Variants in BMX observed in about 807,000 individuals in gnomAD.
BMX encodes the protein cytoplasmic tyrosine-protein kinase BMX.
A neutral mutation model predicts 59.2 loss-of-function variants in BMX; 31 were observed. The ratio of observed to expected loss-of-function variants is 0.52; its 90% confidence interval spans 0.39 to 0.71. The LOEUF (loss-of-function observed/expected upper bound fraction) is 0.71, where lower values mean the gene tolerates loss of function less well. Among genes scored for constraint, BMX ranks in the 30% least tolerant of loss-of-function variants. The pLI is 0.00. For missense variants in BMX, 474 were observed against 491.7 expected, an observed-to-expected ratio of 0.96 and a Z score of 0.34; for synonymous variants, 185 against 181.0, an observed-to-expected ratio of 1.02 and a Z score of -0.18.
chrX:15,546,428 A>G (rs777925189), intron 16 of BMX, among the ~76,000 whole-genome samples: 2 of 112,071 alleles, frequency 1.8e-5, no homozygotes, highest in African/African-American at 3.2e-5. Context: ...GCAAATCTCA[A>G]TATAACAGAA....
chrX:15,506,481 C>T (rs954489766), intron 1 of BMX, among the ~76,000 whole-genome samples: 1 of 111,767 alleles, frequency 8.9e-6, no homozygotes, highest in African/African-American at 3.3e-5. Context: ...TAGTAAAATA[C>T]GGAAATATAA....
At chrX:15,522,640 C>T (rs1002004319) in intron 7 of BMX, 53 bp downstream of exon 7, 28 of 1,188,128 alleles carry the variant, frequency 2.4e-5, no homozygotes, top group African/African-American at 8.8e-5. Context: ...AACACTACCC[C>T]GGCTGCCCTG....
intron 8 of BMX, 44 bp from the exon 9 acceptor site, chrX:15,525,998 C>A (rs767413797): frequency 7.7e-5 from 86 of 1,122,229 alleles, no homozygotes; most frequent in Non-Finnish European, 1.0e-4. Flanking sequence ...TGGATTATTT[C>A]TTGGTGCTTT....
At chrX:15,518,821 CT>C (rs1342644006) in intron 6 of BMX, among the ~76,000 whole-genome samples, 1 of 111,281 alleles carries the variant, frequency 9.0e-6, no homozygotes, top group East Asian at 2.8e-4. Context: ...AGCACTGATT[CT>C]TTATCTCATG....
chrX:15,522,031 T>C (rs997008013), intron 6 of BMX, among the ~76,000 whole-genome samples: 1 of 111,607 alleles, frequency 9.0e-6, no homozygotes, highest in Non-Finnish European at 1.9e-5. Context: ...GTTGTGTATA[T>C]ATACGTAAAA....
chrX:15,552,322 G>A (rs1926237273), intron 18 of BMX, among the ~76,000 whole-genome samples: 1 of 111,832 alleles, frequency 8.9e-6, no homozygotes, highest in Non-Finnish European at 1.9e-5. Context: ...TTTATAAATA[G>A]CCAGCCAGGG....
chrX:15,549,800 T>G (rs1251811318), intron 17 of BMX, 40 bp from the exon 18 acceptor site: 1 of 1,176,262 alleles, frequency 8.5e-7, no homozygotes, highest in African/African-American at 1.8e-5. Context: ...ATAACAGCTC[T>G]CTTCCTTTTT....
intron 14 of BMX, 60 bp downstream of exon 14, chrX:15,537,365 T>C: frequency 2.6e-6 from 3 of 1,155,368 alleles, no homozygotes; most frequent in Non-Finnish European, 2.3e-6. Flanking sequence ...TTAGCACTAA[T>C]AGGCCTGCTG....
At chrX:15,542,770 G>A (rs1054664925) in intron 15 of BMX, among the ~76,000 whole-genome samples, 5 of 112,018 alleles carry the variant, frequency 4.5e-5, no homozygotes, top group African/African-American at 1.6e-4. Context: ...GTATCTGGTG[G>A]TGGAAAGGGA....
At chrX:15,518,580 C>T (rs1924279022) in intron 6 of BMX, among the ~76,000 whole-genome samples, 2 of 111,555 alleles carry the variant, frequency 1.8e-5, no homozygotes, top group South Asian at 7.6e-4. Flanking sequence ...CTGAATTGTT[C>T]CATCCAATGT....
At chrX:15,513,769 G>A (rs1052992156) in intron 4 of BMX, among the ~76,000 whole-genome samples, 37 of 111,325 alleles carry the variant, frequency 3.3e-4, no homozygotes, top group African/African-American at 1.1e-3. Context: ...TTGCAGAGGA[G>A]TTGGCACCTG....
At chrX:15,524,953 A>G (rs1165738125) in intron 7 of BMX, among the ~76,000 whole-genome samples, 1 of 112,342 alleles carries the variant, frequency 8.9e-6, no homozygotes, top group Admixed American at 9.4e-5. Flanking sequence ...TAAAATATAT[A>G]AGTGACAGAA....
At chrX:15,509,293 T>A (rs1454305943) in intron 2 of BMX, 36 bp from the exon 3 acceptor site, 4 of 1,095,601 alleles carry the variant, frequency 3.7e-6, no homozygotes, top group Non-Finnish European at 4.9e-6. Flanking sequence ...CATGATGTAT[T>A]GCAGGAAGTA....
At chrX:15,530,094 G>A (rs1924992158) in intron 10 of BMX, 67 bp downstream of exon 10, 2 of 1,017,346 alleles carry the variant, frequency 2.0e-6, no homozygotes, top group Admixed American at 2.3e-5. Context: ...AGAGGTTGAT[G>A]CATTTCTCAT....
At position 15,502,377 on chromosome X, in the gene BMX, A is replaced by G. The variant is rs1417953429; in HGVS notation, c.-10+1437A>G. ...GTGCCCTAAGCAGAGGAGAGGGAGC[A>G]GAAAGAAAGAGGTTACTGAAAAGAA... On this transcript the variant is annotated intron_variant, in intron 1 of 18. Coordinates refer to ENST00000348343, the MANE Select transcript of BMX (RefSeq NM_203281.3). Among the ~76,000 whole-genome samples the G allele has an allele frequency of 2.7e-5, 3 of 112,095 alleles. No homozygotes were observed. The East Asian group carries it at 8.4e-4, about 31-fold the overall frequency.
At chrX:15,516,326 A>G (rs1924154646) in intron 5 of BMX, 95 bp downstream of exon 5, 1 of 1,068,558 alleles carries the variant, frequency 9.4e-7, no homozygotes, top group African/African-American at 1.8e-5. Flanking sequence ...CCAGAAAACA[A>G]GATGTGCCAG....
rs768463999 is a variant in BMX at position 15,539,194 on chromosome X, A to T, written c.1394+1889A>T. On this transcript the variant is annotated intron_variant, in intron 14 of 18. Coordinates refer to ENST00000348343, the MANE Select transcript of BMX (RefSeq NM_203281.3). The stretch of plus-strand genomic sequence containing the variant: ...TTTTTCTCATGGTTACAGGCTCATG[A>T]TGTAACCTCTGTGTCTTGGTGTAAC... 1.1e-4 allele frequency among the ~76,000 whole-genome samples: 12 copies of T among 110,745 alleles called. No individual in the cohort carries two copies. The South Asian group carries it at 4.3e-3, about 40-fold the overall frequency.
intron 11 of BMX, 131 bp from the exon 12 acceptor site, chrX:15,534,081 G>A (rs1216264602): frequency 3.9e-6 from 2 of 507,827 alleles, no homozygotes; most frequent in East Asian, 4.2e-5. Flanking sequence ...AACACCAGAT[G>A]CCAAGCCTGA....
intron 9 of BMX, among the ~76,000 whole-genome samples, chrX:15,529,302 C>T (rs1287393292): frequency 1.8e-5 from 2 of 111,573 alleles, no homozygotes; most frequent in African/African-American, 3.3e-5. Context: ...CATTGAATTT[C>T]TCCTATAACT....
Sources: gnomAD v4.1 joint callset for allele counts (sites outside exome capture counted in the v4.1 genomes callset) on GRCh38, gnomAD v4.1.1 for gene constraint, MANE v1.5 for transcripts, NCBI Gene and HGNC (gene_info 2026-07-23, HGNC 2026-07-21) for gene names.